Variants in EEIG1 observed in about 807,000 individuals in gnomAD.
EEIG1 encodes early estrogen-induced gene 1 protein.
the EEIG1 span, chr9:127,979,903 C>A: frequency 6.9e-7 from 1 of 1,447,216 alleles, no homozygotes; most frequent in Non-Finnish European, 9.3e-7. Context: ...CTCCTCACAC[C>A]GGCCCCAAGG....
At chr9:127,953,733 T>C in the EEIG1 span, 1 of 1,612,088 alleles carries the variant, frequency 6.2e-7, no homozygotes, top group Non-Finnish European at 8.5e-7. Context: ...CATTTTCAGC[T>C]GGGGGTGCGG....
At chr9:127,953,921 C>T in the EEIG1 span, 3 of 1,613,796 alleles carry the variant, frequency 1.9e-6, no homozygotes, top group Admixed American at 5.0e-5. Flanking sequence ...TCCTGTACCT[C>T]CTCCCTGTGG....
At chr9:127,952,235 C>G in the EEIG1 span, among the ~76,000 whole-genome samples, 1 of 152,236 alleles carries the variant, frequency 6.6e-6, no homozygotes, top group East Asian at 1.9e-4. Flanking sequence ...GTCAGCGCCC[C>G]GGGCCAGGGC....
At chr9:127,967,946 C>T in the EEIG1 span, among the ~76,000 whole-genome samples, 1 of 151,928 alleles carries the variant, frequency 6.6e-6, no homozygotes, top group Non-Finnish European at 1.5e-5. Flanking sequence ...TTCTCCACCC[C>T]AGGACCATAG....
chr9:127,954,051 G>T, the EEIG1 span: 1 of 1,102,404 alleles, frequency 9.1e-7, no homozygotes, highest in Non-Finnish European at 1.3e-6. Context: ...TTCACTCTGT[G>T]TCACAAAATA....
At chr9:127,944,548 T>C in the EEIG1 span, 2 of 1,161,510 alleles carry the variant, frequency 1.7e-6, no homozygotes, top group East Asian at 4.9e-5. Context: ...GTGAGTGGAC[T>C]GTGGGGACTC....
chr9:127,948,177 G>A, the EEIG1 span: 2 of 1,614,096 alleles, frequency 1.2e-6, no homozygotes, highest in East Asian at 2.2e-5. Context: ...TCAGCTGCAG[G>A]GAGGAATCCT....
the EEIG1 span, chr9:127,953,780 G>A: frequency 1.9e-6 from 3 of 1,613,940 alleles, no homozygotes; most frequent in Non-Finnish European, 2.5e-6. Context: ...CAGCCCAGCA[G>A]CCCCACATGC....
At chr9:127,966,142 T>C in the EEIG1 span, among the ~76,000 whole-genome samples, 1 of 151,970 alleles carries the variant, frequency 6.6e-6, no homozygotes. Context: ...CTTCAGAAAC[T>C]CCAAGATGGA....
At chr9:127,951,734 G>A in the EEIG1 span, among the ~76,000 whole-genome samples, 7 of 150,176 alleles carry the variant, frequency 4.7e-5, no homozygotes, top group African/African-American at 1.2e-4. Context: ...GGAGAATGGC[G>A]TGAACCCGGG....
At chr9:127,979,238 G>A in the EEIG1 span, among the ~76,000 whole-genome samples, 1 of 152,214 alleles carries the variant, frequency 6.6e-6, no homozygotes, top group Admixed American at 6.5e-5. Flanking sequence ...AGAGTCAAGA[G>A]TCACACTCCC....
At chr9:127,940,736 G>C in the EEIG1 span, 1 of 151,940 alleles carries the variant, frequency 6.6e-6, no homozygotes, top group Non-Finnish European at 1.5e-5. Context: ...CTGTTAGAAA[G>C]GAGGGGAGTC....
At chr9:127,942,762 CA>C in the EEIG1 span, 1 of 211,996 alleles carries the variant, frequency 4.7e-6, no homozygotes, top group Non-Finnish European at 9.7e-6. Context: ...AAGACGTGAC[CA>C]AAGCCAGTGC....
At chr9:127,954,099 T>C in the EEIG1 span, among the ~76,000 whole-genome samples, 1 of 152,240 alleles carries the variant, frequency 6.6e-6, no homozygotes, top group African/African-American at 2.4e-5. Flanking sequence ...CGTGTAGTTG[T>C]TGTAAAAACA....
the EEIG1 span, chr9:127,948,311 C>T: frequency 6.2e-7 from 1 of 1,612,338 alleles, no homozygotes; most frequent in Non-Finnish European, 8.5e-7. Context: ...TGTTCCTCCA[C>T]CCCTAGTGCC....
At chr9:127,962,941 G>C in the EEIG1 span, among the ~76,000 whole-genome samples, 2 of 152,162 alleles carry the variant, frequency 1.3e-5, no homozygotes, top group Non-Finnish European at 2.9e-5. Flanking sequence ...ATGTGGCCCA[G>C]GTCTGGGCTA....
chr9:127,951,341 T>C, the EEIG1 span, among the ~76,000 whole-genome samples: 5 of 152,294 alleles, frequency 3.3e-5, no homozygotes, highest in South Asian at 1.0e-3. Flanking sequence ...AAGAGATAGA[T>C]AATGAAATGT....
chr9:127,948,341 G>A, the EEIG1 span: 7 of 1,613,784 alleles, frequency 4.3e-6, no homozygotes, highest in East Asian at 2.2e-5. Flanking sequence ...GCTCCCATCC[G>A]CTCCCTAGGC....
At chr9:127,946,886 C>T in the EEIG1 span, among the ~76,000 whole-genome samples, 2 of 152,176 alleles carry the variant, frequency 1.3e-5, no homozygotes, top group Non-Finnish European at 2.9e-5. Context: ...TGGGACAAAT[C>T]AGGGTTGTCA....
Sources: gnomAD v4.1 joint callset for allele counts (sites outside exome capture counted in the v4.1 genomes callset) on GRCh38, gnomAD v4.1.1 for gene constraint, MANE v1.5 for transcripts, NCBI Gene and HGNC (gene_info 2026-07-23, HGNC 2026-07-21) for gene names.